Variants in AGXT2 observed in about 807,000 individuals in gnomAD.
The protein encoded by AGXT2 is alanine--glyoxylate aminotransferase 2.
Under a neutral mutation model 62.5 loss-of-function variants are expected in AGXT2, and 61 were observed. That is an observed-to-expected ratio of 0.98 (90% CI 0.79 to 1.21). The LOEUF (loss-of-function observed/expected upper bound fraction) is 1.21. Among genes scored for constraint, AGXT2 ranks in the 50% most tolerant of loss-of-function variants. The pLI, the probability that AGXT2 is intolerant of heterozygous loss-of-function variation, is 0.00. For synonymous variants in AGXT2, 243 were observed against 218.7 expected, an observed-to-expected ratio of 1.11 and a Z score of -0.98; for missense variants, 666 against 641.5, an observed-to-expected ratio of 1.04 and a Z score of -0.41.
At chr5:35,021,044 C>G (rs978008498) in intron 9 of AGXT2, among the ~76,000 whole-genome samples, 2 of 152,156 alleles carry the variant, frequency 1.3e-5, no homozygotes, top group African/African-American at 4.8e-5. Flanking sequence ...TCAAGGAGAA[C>G]TACAAACCAC....
intron 10 of AGXT2, among the ~76,000 whole-genome samples, chr5:35,013,398 C>T (rs1766716718): frequency 6.6e-6 from 1 of 152,228 alleles, no homozygotes; most frequent in Non-Finnish European, 1.5e-5. Flanking sequence ...TCCATCTTCT[C>T]TCCCTCTTCC....
At chr5:35,029,906 C>T (rs1451615166) in intron 7 of AGXT2, among the ~76,000 whole-genome samples, 1 of 152,094 alleles carries the variant, frequency 6.6e-6, no homozygotes, top group African/African-American at 2.4e-5. Context: ...AAAATGGCCC[C>T]CTGCCTCTGT....
At position 35,037,048 on chromosome 5, in the gene AGXT2, G is replaced by A. The variant is rs1767802071; in HGVS notation, c.380C>T (p.Ala127Val). Residue 127 changes from alanine to valine, a missense_variant, in exon 4 of 14, where the codon GCA (alanine) becomes GTA (valine). Transcript: ENST00000231420. ...GHCHPKVNAV[A>V]QKQLGRLWHT... ...CCACAGGCGGCCGAGCTGCTTTTGT[G>A]CCACTGCATTCACCTTTCTGGATAA... The A allele has an allele frequency of 6.2e-7, 1 of 1,614,142 alleles. No homozygotes were observed. Among genetic ancestry groups the A allele is most frequent in the African/African-American group, 1.3e-5 (1 of 75,060 alleles).
chr5:35,019,695 G>A (rs1766992393), intron 9 of AGXT2, among the ~76,000 whole-genome samples: 2 of 152,150 alleles, frequency 1.3e-5, no homozygotes, highest in Admixed American at 6.5e-5. Context: ...ACATTCAAAA[G>A]CTAGAAGAAG....
intron 12 of AGXT2, among the ~76,000 whole-genome samples, chr5:35,004,324 G>C (rs1766343315): frequency 6.6e-6 from 1 of 152,208 alleles, no homozygotes; most frequent in Non-Finnish European, 1.5e-5. Context: ...CTTTCCCTGG[G>C]CAGCGCAGTG....
Position 35,032,837 on chromosome 5 carries a change from A to T in AGXT2, c.676-12T>A, listed in dbSNP as rs1295523163. ...TCTGGACACATTGTCTGCAAATGAC[A>T]AAAGAAGGAGTGTGGCAAAGCATGA... On this transcript the variant is annotated splice_polypyrimidine_tract_variant and intron_variant, in intron 6 of 13. Coordinates refer to ENST00000231420, the MANE Select transcript of AGXT2 (RefSeq NM_031900.4). 6.3e-7 allele frequency: 1 copy of T among 1,593,232 alleles called. No individual in the cohort carries two copies. Among genetic ancestry groups the T allele is most frequent in the East Asian group, 2.2e-5 (1 of 44,488 alleles).
rs1052459746 is a variant in AGXT2, at chr5:34,998,674, G to A, written c.*45C>T. ...TCTTCAAATTCACCCTTGAACATAC[G>A]TGGCAAATTCTTGAGACTTGTGGTT... On this transcript the variant is annotated 3_prime_UTR_variant, in exon 14 of 14. Transcript: ENST00000231420. The A allele has an allele frequency of 5.3e-6, 8 of 1,501,102 alleles. No homozygotes were observed. Among genetic ancestry groups the A allele is most frequent in the African/African-American group, 1.4e-5 (1 of 72,562 alleles). The allele number at this position is 1,501,102 out of a possible 1,614,324, so 93.0% of individuals were successfully genotyped here.
intron 12 of AGXT2, among the ~76,000 whole-genome samples, chr5:35,009,078 T>C (rs1000756498): frequency 6.6e-6 from 1 of 152,088 alleles, no homozygotes; most frequent in African/African-American, 2.4e-5. Context: ...GCTGAGTAAT[T>C]GGGAGAACGG....
chr5:35,031,611 C>A (rs1403764230), intron 7 of AGXT2, among the ~76,000 whole-genome samples: 1 of 152,222 alleles, frequency 6.6e-6, no homozygotes, highest in African/African-American at 2.4e-5. Flanking sequence ...ATGATGTTTC[C>A]TGCCTCCTCT....
chr5:35,029,906 C>A (rs1451615166), intron 7 of AGXT2, among the ~76,000 whole-genome samples: 1 of 152,094 alleles, frequency 6.6e-6, no homozygotes, highest in African/African-American at 2.4e-5. Flanking sequence ...AAAATGGCCC[C>A]CTGCCTCTGT....
Position 34,998,595 on chromosome 5 carries a change from T to C in AGXT2, c.*124A>G. ...TTGGTAGGCAGTCAACCATGACTTT[T>C]ACAGCTCCTGTGGAGAGCTGCAGGC... On this transcript the variant is annotated 3_prime_UTR_variant, in exon 14 of 14. Transcript: ENST00000231420. 1.3e-6 allele frequency: 1 copy of C among 772,952 alleles called. No individual in the cohort carries two copies. Among genetic ancestry groups the C allele is most frequent in the South Asian group, 1.5e-5 (1 of 65,108 alleles). The allele number at this position is 772,952 out of a possible 1,614,324, so 47.9% of individuals were successfully genotyped here. A position where few individuals can be genotyped will look rare whatever the true frequency, so the allele number is the denominator to read the frequency against.
At chr5:35,030,730 C>T (rs1463308014) in intron 7 of AGXT2, among the ~76,000 whole-genome samples, 1 of 152,098 alleles carries the variant, frequency 6.6e-6, no homozygotes, top group African/African-American at 2.4e-5. Context: ...GAACATATAG[C>T]AGGAAAAGAA....
intron 4 of AGXT2, among the ~76,000 whole-genome samples, chr5:35,035,847 C>T (rs545569553): frequency 1.2e-4 from 18 of 152,130 alleles, no homozygotes; most frequent in Admixed American, 2.0e-4. Flanking sequence ...GAGGTTGAGG[C>T]GGGCGGATCA....
intron 7 of AGXT2, among the ~76,000 whole-genome samples, chr5:35,028,511 CTG>C (rs1767440768): frequency 6.9e-6 from 1 of 144,612 alleles, no homozygotes; most frequent in African/African-American, 2.6e-5. Context: ...AAGCCTTCAT[CTG>C]TGTGTCAGAA....
chr5:35,036,285 A>G (rs1363754370), intron 4 of AGXT2, among the ~76,000 whole-genome samples: 1 of 152,164 alleles, frequency 6.6e-6, no homozygotes, highest in East Asian at 1.9e-4. Flanking sequence ...TATTCTAGGT[A>G]ATGTAGAGAA....
chr5:35,027,081 G>T, intron 7 of AGXT2: 1 of 872,240 alleles, frequency 1.1e-6, no homozygotes, highest in Non-Finnish European at 1.4e-6. Context: ...TCCTGTGCTT[G>T]TTTTTAACAG....
chr5:35,028,594 AG>A (rs879563478), intron 7 of AGXT2, among the ~76,000 whole-genome samples: 11,032 of 149,080 alleles, frequency 0.074, 809 homozygotes, highest in Non-Finnish European at 0.11. Flanking sequence ...AGAGAGAGAG[AG>A]AGAGAGAGAG....
intron 9 of AGXT2, among the ~76,000 whole-genome samples, chr5:35,022,747 TAA>T (rs58539576): frequency 1.5e-4 from 21 of 138,642 alleles, no homozygotes; most frequent in Middle Eastern, 3.7e-3. Context: ...AAGAGAGAAG[TAA>T]AAAAAAAAAA....
chr5:35,004,764 G>T (rs963041084), intron 12 of AGXT2, among the ~76,000 whole-genome samples: 3 of 152,166 alleles, frequency 2.0e-5, no homozygotes, highest in Admixed American at 2.0e-4. Flanking sequence ...GGCCCCTCTA[G>T]TGTGCCCAGT....
Sources: gnomAD v4.1 joint callset for allele counts (sites outside exome capture counted in the v4.1 genomes callset) on GRCh38, gnomAD v4.1.1 for gene constraint, MANE v1.5 for transcripts, NCBI Gene and HGNC (gene_info 2026-07-23, HGNC 2026-07-21) for gene names.